Variants in RANBP17 observed in about 807,000 individuals in gnomAD.
RANBP17 encodes the protein RAN binding protein 17, also known as ran-binding protein 17.
In RANBP17, 158 loss-of-function variants were observed where a neutral mutation model predicts 141.2. That is an observed-to-expected ratio of 1.12 (90% confidence interval 0.98 to 1.28). RANBP17 has a LOEUF of 1.28. Ranked by LOEUF, RANBP17 falls within the 50% of genes most tolerant of loss-of-function variation. RANBP17 has a pLI of 0.00. For synonymous variants in RANBP17, 430 were observed against 450.0 expected, an observed-to-expected ratio of 0.96 and a Z score of 0.56; for missense variants, 1,438 against 1,290.7, an observed-to-expected ratio of 1.11 and a Z score of -1.75.
chr5:170,967,794 T>G (rs968813560), intron 13 of RANBP17, among the ~76,000 whole-genome samples: 1 of 151,678 alleles, frequency 6.6e-6, no homozygotes, highest in African/African-American at 2.4e-5. Flanking sequence ...TTTTTGAACT[T>G]TGAGTCATGA....
At chr5:171,158,598 T>C (rs749099057) in intron 14 of RANBP17, 2 of 173,428 alleles carry the variant, frequency 1.2e-5, no homozygotes, top group African/African-American at 2.4e-5. Flanking sequence ...TTGCTGAGAA[T>C]TGCAATTCTC....
At position 171,273,726 on chromosome 5, in the gene RANBP17, G is replaced by A. The variant is rs1008264968; in HGVS notation, c.2943+7879G>A. On this transcript the variant is annotated intron_variant, in intron 25 of 27. Transcript: ENST00000523189. Reference sequence around the variant, plus strand: ...CAATCTTAAGGAATTTCAGAACTAAGATCTCCCAGTGCATGTTACCTTGTA... The same window carrying A: ...CAATCTTAAGGAATTTCAGAACTAAAATCTCCCAGTGCATGTTACCTTGTA... Among the ~76,000 whole-genome samples the A allele has an allele frequency of 2.6e-5, 4 of 152,170 alleles. No homozygotes were observed. In the South Asian group the frequency reaches 8.3e-4, roughly 32 times the overall value.
rs150129731 is a variant in RANBP17, at chr5:171,177,704, C to G, written c.1866-5463C>G. ...GTCCTTTAATACTAAATGTTAATTC[C>G]CTTCATTTTCTTTCAAGTCGTGGTT... On this transcript the variant is annotated intron_variant, in intron 16 of 27. Coordinates refer to ENST00000523189, the MANE Select transcript of RANBP17 (RefSeq NM_022897.5). Among the ~76,000 whole-genome samples, 82 of 152,004 alleles carry G rather than the reference C, an allele frequency of 5.4e-4. 1 individual carries two copies. In the East Asian group the frequency reaches 0.015, roughly 28 times the overall value.
At chr5:171,237,921 A>G (rs1764638053) in intron 22 of RANBP17, among the ~76,000 whole-genome samples, 1 of 152,142 alleles carries the variant, frequency 6.6e-6, no homozygotes, top group Non-Finnish European at 1.5e-5. Context: ...TGTGAGTCTA[A>G]CTCCTAGATT....
chr5:170,898,324 G>A (rs1250784669), intron 5 of RANBP17, among the ~76,000 whole-genome samples: 5 of 152,074 alleles, frequency 3.3e-5, no homozygotes, highest in Non-Finnish European at 5.9e-5. Context: ...CCACATAAGT[G>A]TCGTCTTTTC....
At position 171,242,798 on chromosome 5, in the gene RANBP17, C is replaced by G; in HGVS notation, c.2754C>G (p.Ile918Met). 6.2e-7 allele frequency: 1 copy of G among 1,613,718 alleles called. No individual in the cohort carries two copies. Among genetic ancestry groups the G allele is most frequent in the South Asian group, 1.1e-5 (1 of 91,070 alleles). ...TACTCATGTATGTTCTCACATCTAT[C>G]TCAGAGGGACTCACTACTCTTGGTA... ...PPVLMYVLTS[I>M]SEGLTTLDTV... Residue 918 changes from isoleucine (I) to methionine (M), a missense_variant, in exon 24 of 28, where the codon ATC becomes ATG. Ile to Met is a conservative substitution (Grantham distance 10, BLOSUM62 1). Transcript: ENST00000523189.
At chr5:171,046,205 C>CTTT (rs1203505195) in intron 14 of RANBP17, among the ~76,000 whole-genome samples, 10 of 131,376 alleles carry the variant, frequency 7.6e-5, no homozygotes, top group South Asian at 2.4e-4. Context: ...ATAGTTCTGC[C>CTTT]TTTTTTTTTT....
At chr5:171,063,846 C>T (rs1427685274) in intron 14 of RANBP17, among the ~76,000 whole-genome samples, 2 of 152,216 alleles carry the variant, frequency 1.3e-5, no homozygotes, top group Non-Finnish European at 2.9e-5. Context: ...GCTTTGTTTA[C>T]CTAGCGAGCC....
chr5:171,229,758 G>C (rs373762458), intron 22 of RANBP17, among the ~76,000 whole-genome samples: 228 of 132,206 alleles, frequency 1.7e-3, no homozygotes, highest in African/African-American at 6.2e-3. Flanking sequence ...AGATGCAAAA[G>C]GAAAAAAAAA....
chr5:171,012,398 T>G (rs1438824520), intron 14 of RANBP17, among the ~76,000 whole-genome samples: 1 of 152,094 alleles, frequency 6.6e-6, no homozygotes. Flanking sequence ...CTATAGCTGT[T>G]TTTGAATTGC....
chr5:170,911,103 C>T lies in RANBP17; in HGVS notation c.729C>T (p.Cys243=). ...SSADESADDL[C]TVQIPTTWRT... ...CAGATGAATCTGCAGATGATCTTTGCACGGTGCAGATTCCAACAACTTGGA... is the reference window on the plus strand; with the variant it reads ...CAGATGAATCTGCAGATGATCTTTGTACGGTGCAGATTCCAACAACTTGGA... Residue 243 remains cysteine, a synonymous_variant, in exon 7 of 28, where the codon TGC becomes TGT. Transcript: ENST00000523189. 1 of 1,611,358 alleles carries T rather than the reference C, an allele frequency of 6.2e-7. No homozygotes were observed. The highest frequency in any genetic ancestry group is 1.1e-5 in the South Asian group (1 of 90,968).
At chr5:171,172,017 A>T (rs1327999245) in intron 16 of RANBP17, among the ~76,000 whole-genome samples, 2 of 151,990 alleles carry the variant, frequency 1.3e-5, no homozygotes, top group Admixed American at 1.3e-4. Context: ...GCTATCAAAT[A>T]TATAGGACTT....
At chr5:170,976,495 T>A (rs1191502831) in intron 14 of RANBP17, among the ~76,000 whole-genome samples, 1 of 152,134 alleles carries the variant, frequency 6.6e-6, no homozygotes, top group Non-Finnish European at 1.5e-5. Context: ...ATCCTTAAAT[T>A]TGTGTGAAAT....
chr5:170,914,421 G>A (rs2339173), intron 8 of RANBP17, among the ~76,000 whole-genome samples, 181 bp downstream of exon 8: 91,363 of 151,958 alleles, frequency 0.6, 29,225 homozygotes, highest in South Asian at 0.9. Context: ...TTTTGTCAAC[G>A]TTACATTTTA....
At chr5:170,904,144 C>T (rs972780236) in intron 5 of RANBP17, 3 of 343,568 alleles carry the variant, frequency 8.7e-6, no homozygotes, top group African/African-American at 4.3e-5. Flanking sequence ...TTAAAACCAT[C>T]TCTACAATTT....
intron 1 of RANBP17, chr5:170,863,715 C>T (rs946644754): frequency 6.6e-6 from 1 of 152,112 alleles, no homozygotes; most frequent in African/African-American, 2.4e-5. Context: ...TTTTTTCATA[C>T]ATGGAAAGGT....
At chr5:170,922,945 A>G (rs931794296) in intron 11 of RANBP17, among the ~76,000 whole-genome samples, 4 of 152,146 alleles carry the variant, frequency 2.6e-5, no homozygotes, top group Non-Finnish European at 5.9e-5. Flanking sequence ...CTATTTGGCC[A>G]TCTTGGAAGC....
chr5:171,210,384 A>C (rs532211135), intron 20 of RANBP17, among the ~76,000 whole-genome samples: 1 of 152,284 alleles, frequency 6.6e-6, no homozygotes, highest in Admixed American at 6.5e-5. Flanking sequence ...CACACAGAAA[A>C]AGGAGCATCC....
intron 22 of RANBP17, among the ~76,000 whole-genome samples, chr5:171,234,720 C>G (rs62392994): frequency 0.11 from 16,666 of 152,164 alleles, 1,207 homozygotes; most frequent in Non-Finnish European, 0.16. Flanking sequence ...TAGTTGCCAT[C>G]AACTGAGATG....
Sources: gnomAD v4.1 joint callset for allele counts (sites outside exome capture counted in the v4.1 genomes callset) on GRCh38, gnomAD v4.1.1 for gene constraint, MANE v1.5 for transcripts, NCBI Gene and HGNC (gene_info 2026-07-23, HGNC 2026-07-21) for gene names.